Variants in STXBP2 observed in about 807,000 individuals in gnomAD.
STXBP2 encodes syntaxin-binding protein 2.
STXBP2 carries 47 observed loss-of-function variants against 72.2 expected under a neutral mutation model. That is an observed-to-expected ratio of 0.65 (90% CI 0.51 to 0.83). The LOEUF (loss-of-function observed/expected upper bound fraction) is 0.83, where lower values mean the gene tolerates loss of function less well. STXBP2 is among the 40% of genes least tolerant of loss of function. The pLI is 0.00. For missense variants in STXBP2, 702 were observed against 807.6 expected (o/e 0.87, Z 1.58); for synonymous variants, 367 against 338.7 (o/e 1.08, Z -0.92).
chr19:7,646,057 C>G lies in STXBP2; in HGVS notation c.1357-192C>G, dbSNP rs1402728633. The G allele has an allele frequency of 9.9e-6, 6 of 603,408 alleles. No homozygotes were observed. The East Asian group carries it at 1.7e-4, about 17-fold the overall frequency. The allele number at this position is 603,408 out of a possible 1,614,324, so 37.4% of individuals were successfully genotyped here. ...TCGCTCTCTCTCCCTTTGGCTTTCTCTCTCCGTCTCTCTCTGGCTCACTGT... is the reference window on the plus strand; with the variant it reads ...TCGCTCTCTCTCCCTTTGGCTTTCTGTCTCCGTCTCTCTCTGGCTCACTGT... On this transcript the variant is annotated intron_variant, in intron 15 of 18. Transcript: ENST00000221283.
chr19:7,633,442 C>T (rs758853046), upstream of STXBP2: 5 of 1,577,258 alleles, frequency 3.2e-6, no homozygotes, highest in African/African-American at 2.7e-5. Flanking sequence ...TCCGTCTTCT[C>T]CTCCTGATCC....
Position 7,638,732 on chromosome 19 carries a change from T to C in STXBP2, c.44T>C (p.Leu15Pro). ...TCCCCTCCCTTCCCTGCAGAAATTC[T>C]GAGCGGAGTTATTCGGAGTGTCAAG... ...GLKAVVGEKILSGVIRSVKKD... is the reference protein window; with the variant it reads ...GLKAVVGEKIPSGVIRSVKKD... The change falls in exon 2 of 19, where the codon CTG becomes CCG. Residue 15 changes from leucine to proline, a missense_variant. Physicochemically the swap from Leu to Pro is moderately conservative, Grantham distance 98. Coordinates refer to ENST00000221283, the MANE Select transcript of STXBP2 (RefSeq NM_006949.4). 2 of 1,614,138 alleles carry C rather than the reference T, an allele frequency of 1.2e-6. No homozygotes were observed. The highest frequency in any genetic ancestry group is 1.7e-6 in the Non-Finnish European group (2 of 1,180,014).
intron 15 of STXBP2, chr19:7,645,537 C>G: frequency 1.8e-6 from 1 of 557,008 alleles, no homozygotes; most frequent in Non-Finnish European, 3.2e-6. Context: ...TGGTCGCTGC[C>G]AGGCTGGTCC....
chr19:7,638,655 G>T (rs977038772), intron 1 of STXBP2, 71 bp from the exon 2 acceptor site: 73 of 1,545,558 alleles, frequency 4.7e-5, no homozygotes, highest in Admixed American at 1.5e-4. Flanking sequence ...CAGCCCCAAG[G>T]CTGAGAAGGC....
upstream of STXBP2, chr19:7,632,605 G>A: frequency 1.3e-6 from 2 of 1,591,336 alleles, no homozygotes; most frequent in Non-Finnish European, 1.7e-6. The surrounding 1 kb of genome is among the most constrained non-coding windows in gnomAD (Gnocchi z 5.2). Context: ...ATGCTTCAGG[G>A]TGCACAACCA....
chr19:7,641,533 C>G (rs2031876137), intron 6 of STXBP2, among the ~76,000 whole-genome samples, 172 bp from the exon 7 acceptor site: 1 of 152,186 alleles, frequency 6.6e-6, no homozygotes, highest in Admixed American at 6.5e-5. Flanking sequence ...TATTTATCCA[C>G]TGACTCCTGC....
upstream of STXBP2, chr19:7,632,662 T>C: frequency 1.8e-5 from 28 of 1,554,562 alleles, no homozygotes; most frequent in Non-Finnish European, 2.4e-5. This position sits in a 1 kb window ranked among gnomAD's most constrained non-coding sequence, Gnocchi z 5.2. Context: ...CCACTTGCCC[T>C]GCACTCCCAC....
In STXBP2 at chr19:7,647,413, G is replaced by A. The variant is rs147455069; in HGVS notation, c.1598G>A (p.Arg533Gln). ...GGCATAGAAGCCCGGGCGGGCCCCCGGCTCATCGTGTATGTCATGGGCGGT... is the reference window on the plus strand; with the variant it reads ...GGCATAGAAGCCCGGGCGGGCCCCCAGCTCATCGTGTATGTCATGGGCGGT... Reference protein sequence around the residue: ...KAGIEARAGPRLIVYVMGGVA... With the variant: ...KAGIEARAGPQLIVYVMGGVA... Residue 533 changes from arginine (R) to glutamine (Q), a missense_variant, in exon 18 of 19, where the codon CGG (arginine) becomes CAG (glutamine). Arg to Gln is a conservative substitution (Grantham distance 43, BLOSUM62 1). Coordinates refer to ENST00000221283, the MANE Select transcript of STXBP2 (RefSeq NM_006949.4). 27 of 1,613,414 alleles carry A rather than the reference G, an allele frequency of 1.7e-5. No homozygotes were observed. Among genetic ancestry groups the A allele is most frequent in the South Asian group, 1.6e-4 (15 of 91,092 alleles).
chr19:7,633,861 C>T (rs1476030308), upstream of STXBP2: 1 of 195,042 alleles, frequency 5.1e-6, no homozygotes, highest in Non-Finnish European at 1.0e-5. Flanking sequence ...CCAGGTTCCC[C>T]CACTGGCTCC....
the STXBP2 span, chr19:7,630,847 G>T: frequency 6.5e-7 from 1 of 1,537,256 alleles, no homozygotes; most frequent in South Asian, 1.2e-5. Context: ...ACCTGAGAAG[G>T]TAAGTGATCT....
At chr19:7,631,247 C>G in the STXBP2 span, 4 of 1,412,188 alleles carry the variant, frequency 2.8e-6, no homozygotes, top group Middle Eastern at 2.6e-4. Context: ...AGTAAGGAAC[C>G]GAGAGCAGAG....
chr19:7,643,686 GC>G (rs1342083425), intron 13 of STXBP2, among the ~76,000 whole-genome samples: 3 of 151,132 alleles, frequency 2.0e-5, no homozygotes, highest in African/African-American at 7.3e-5. Context: ...GGAGAGGTGG[GC>G]CCTGGGAGAG....
rs1437186671 is a variant in STXBP2, at chr19:7,647,086, A to C, written c.1453-76A>C. 4.7e-4 allele frequency: 711 copies of C among 1,509,552 alleles called. 6 individuals carry two copies. Among genetic ancestry groups the C allele is most frequent in the Non-Finnish European group, 2.5e-5 (27 of 1,097,846 alleles). The allele number at this position is 1,509,552 out of a possible 1,614,324, so 93.5% of individuals were successfully genotyped here. On this transcript the variant is annotated intron_variant, in intron 16 of 18. Coordinates refer to ENST00000221283, the MANE Select transcript of STXBP2 (RefSeq NM_006949.4). The stretch of plus-strand genomic sequence containing the variant: ...TGTCTGCCAGGATCTTGGCCCCTGA[A>C]TACCCCGTGGGGGGCACTCCTGACC...
At chr19:7,640,038 C>G (rs1280701225) in intron 4 of STXBP2, 3 of 643,930 alleles carry the variant, frequency 4.7e-6, no homozygotes, top group African/African-American at 3.8e-5. Flanking sequence ...GTGTGTGCGT[C>G]TGTGTGTGCA....
intron 14 of STXBP2, 171 bp from the exon 15 acceptor site, chr19:7,645,026 A>T: frequency 6.9e-7 from 1 of 1,455,220 alleles, no homozygotes; most frequent in Non-Finnish European, 9.1e-7. Context: ...CCCCTGATCT[A>T]CCCCCTCCAG....
Position 7,642,008 on chromosome 19 carries a change from TC to T in STXBP2, c.579-21del, listed in dbSNP as rs2031904170. On this transcript the variant is annotated intron_variant, in intron 7 of 18. Transcript: ENST00000221283. The surrounding 1 kb of genome is among the most constrained non-coding windows in gnomAD (Gnocchi z 6.0). ...TCCTTGACCCCATCCCCTGATGATG[TC>T]CCCCGTGTCTGACCTCCCCGCCAGG... 6.2e-7 allele frequency: 1 copy of T among 1,613,316 alleles called. No individual in the cohort carries two copies. Among genetic ancestry groups the T allele is most frequent in the Non-Finnish European group, 8.5e-7 (1 of 1,179,516 alleles).
chr19:7,639,397 C>G, intron 3 of STXBP2: 1 of 582,376 alleles, frequency 1.7e-6, no homozygotes, highest in Non-Finnish European at 3.1e-6. Context: ...AGGGTGGACT[C>G]TGGATGTGGG....
chr19:7,631,668 G>A, the STXBP2 span: 1 of 1,468,552 alleles, frequency 6.8e-7, no homozygotes, highest in Admixed American at 2.3e-5. Flanking sequence ...GGCCGAGTGA[G>A]ACCCAGGATG....
At chr19:7,633,459 T>C, upstream of STXBP2, 1 of 1,574,814 alleles carries the variant, frequency 6.3e-7, no homozygotes, top group Non-Finnish European at 8.6e-7. Context: ...ATCCATCATG[T>C]CCCTGGACTC....
Sources: allele counts gnomAD v4.1 joint callset (sites outside exome capture counted in the v4.1 genomes callset), GRCh38; gene constraint gnomAD v4.1.1; non-coding constraint Gnocchi (gnomAD v3.1); transcripts MANE v1.5; gene names NCBI Gene and HGNC (gene_info 2026-07-23, HGNC 2026-07-21).